UTP6: variants seen among roughly 807,000 people sequenced by gnomAD.
The protein encoded by UTP6 is U3 small nucleolar RNA-associated protein 6 homolog.
A neutral mutation model predicts 96.5 loss-of-function variants in UTP6; 60 were observed. That is an observed-to-expected ratio of 0.62 (90% confidence interval 0.51 to 0.77). The LOEUF (loss-of-function observed/expected upper bound fraction) is 0.77. Among genes scored for constraint, UTP6 ranks in the 30% least tolerant of loss-of-function variants. UTP6 has a pLI of 0.00. For synonymous variants in UTP6, 215 were observed against 240.1 expected (o/e 0.90, Z 0.96); for missense variants, 637 against 706.5 (o/e 0.90, Z 1.12).
chr17:31,892,114 G>A, intron 6 of UTP6, 146 bp downstream of exon 6: 1 of 721,724 alleles, frequency 1.4e-6, no homozygotes, highest in Non-Finnish European at 2.3e-6. Context: ...CTATGAGGCA[G>A]CTATTCAGTA....
intron 4 of UTP6, among the ~76,000 whole-genome samples, chr17:31,893,601 G>C (rs558385339): frequency 1.3e-5 from 2 of 151,656 alleles, no homozygotes; most frequent in South Asian, 4.2e-4. Context: ...GCGGTGGTGC[G>C]TGCCTGAAGT....
At chr17:31,871,487 C>T (rs898731132) in intron 16 of UTP6, among the ~76,000 whole-genome samples, 1 of 152,082 alleles carries the variant, frequency 6.6e-6, no homozygotes, top group Non-Finnish European at 1.5e-5. Context: ...GTGCCTCATA[C>T]CTACAATCCC....
Position 31,863,369 on chromosome 17 carries a change from C to G in UTP6, c.1784G>C (p.Gly595Ala). 1 of 1,612,452 alleles carries G rather than the reference C, an allele frequency of 6.2e-7. No homozygotes were observed. Among genetic ancestry groups the G allele is most frequent in the Non-Finnish European group, 8.5e-7 (1 of 1,179,634 alleles). ...FVAKHAMHQT[G>A]HL ...CTGTATTCTTCATCTTCATAAATGG[C>G]CAGTCTGATGCATAGCATGTTTAGC... The change falls in exon 19 of 19, where the codon GGC becomes GCC. Residue 595 changes from glycine to alanine, a missense_variant. By Grantham distance (60) the Gly-to-Ala change is moderately conservative. Transcript: ENST00000261708.
chr17:31,870,279 C>T (rs1191594306), intron 16 of UTP6, among the ~76,000 whole-genome samples: 5 of 152,154 alleles, frequency 3.3e-5, no homozygotes, highest in Non-Finnish European at 5.9e-5. Flanking sequence ...AACTAATTTA[C>T]ATTCCCACCA....
rs1425850603 is a variant in UTP6, at chr17:31,873,698, T to C, written c.1361A>G (p.Gln454Arg). 6.2e-7 allele frequency: 1 copy of C among 1,613,218 alleles called. No individual in the cohort carries two copies. Among genetic ancestry groups the C allele is most frequent in the Non-Finnish European group, 8.5e-7 (1 of 1,179,900 alleles). Residue 454 changes from glutamine (Q) to arginine (R), a missense_variant, in exon 15 of 19, where the codon CAA becomes CGA. By Grantham distance (43) the Gln-to-Arg change is conservative. Transcript: ENST00000261708. ...WAEWSEGAKS[Q>R]EDTEAVFKKA... ...CTTAAAGACTGCCTCAGTGTCTTCT[T>C]GGCTTTTGGCACCTTCACTCCACTC...
At chr17:31,867,534 A>G (rs1197413421) in intron 17 of UTP6, among the ~76,000 whole-genome samples, 1 of 151,730 alleles carries the variant, frequency 6.6e-6, no homozygotes, top group East Asian at 1.9e-4. Flanking sequence ...GTAACATGTA[A>G]GTTTTCTATT....
chr17:31,899,785 A>G, intron 1 of UTP6, 55 bp from the exon 2 acceptor site: 1 of 1,259,906 alleles, frequency 7.9e-7, no homozygotes. Context: ...TAAACGTTTA[A>G]GTTTATTTTG....
intron 1 of UTP6, 106 bp downstream of exon 1, chr17:31,901,430 G>A: frequency 9.4e-7 from 1 of 1,065,980 alleles, no homozygotes. Flanking sequence ...CACCACGTTA[G>A]GAAAAGTAAA....
chr17:31,898,152 A>G (rs901687584), intron 2 of UTP6, among the ~76,000 whole-genome samples: 1 of 152,182 alleles, frequency 6.6e-6, no homozygotes, highest in Non-Finnish European at 1.5e-5. Flanking sequence ...CCAGGACTAC[A>G]GTCTTAGTGG....
chr17:31,882,821 T>A (rs1457489629), intron 10 of UTP6, among the ~76,000 whole-genome samples: 3 of 152,098 alleles, frequency 2.0e-5, no homozygotes, highest in Non-Finnish European at 4.4e-5. Context: ...GGTCTCACTC[T>A]GTCACCCAGG....
chr17:31,892,889 C>G, intron 4 of UTP6, 95 bp from the exon 5 acceptor site: 1 of 1,469,280 alleles, frequency 6.8e-7, no homozygotes, highest in Non-Finnish European at 9.3e-7. Context: ...AAGCAAATTT[C>G]AGGTTGGATG....
chr17:31,878,185 C>G, intron 13 of UTP6, 65 bp downstream of exon 13: 1 of 1,536,918 alleles, frequency 6.5e-7, no homozygotes. Context: ...AAACATGACT[C>G]TGGCACAAAA....
chr17:31,873,295 T>C (rs1257788849), intron 16 of UTP6, 83 bp downstream of exon 16: 13 of 1,270,732 alleles, frequency 1.0e-5, no homozygotes, highest in Admixed American at 1.9e-5. Flanking sequence ...CCTCAGATGC[T>C]ATCTGTGATT....
At chr17:31,892,916 T>A in intron 4 of UTP6, 122 bp from the exon 5 acceptor site, 1 of 1,103,896 alleles carries the variant, frequency 9.1e-7, no homozygotes, top group Non-Finnish European at 1.3e-6. Context: ...CTCACACCTG[T>A]AATCCCACCA....
In UTP6 at chr17:31,884,056, T is replaced by C. The variant is rs187985667; in HGVS notation, c.785+368A>G. On this transcript the variant is annotated intron_variant, in intron 10 of 18. Transcript: ENST00000261708. ...GCTTGTCACCCAGGCTGGAGTGCAA[T>C]TGTGGGATCTTGGCTCACTGCAACC... is the stretch of plus-strand genomic sequence containing the variant. Among the ~76,000 whole-genome samples the C allele has an allele frequency of 1.8e-4, 27 of 149,322 alleles. No homozygotes were observed. In the East Asian group the frequency reaches 4.5e-3, roughly 25 times the overall value.
chr17:31,884,575 C>A, intron 9 of UTP6, 70 bp from the exon 10 acceptor site: 1 of 1,207,916 alleles, frequency 8.3e-7, no homozygotes, highest in Non-Finnish European at 1.2e-6. Context: ...AAGTAGCATT[C>A]TTTTCATGTA....
chr17:31,882,330 T>G (rs539517438), intron 10 of UTP6, among the ~76,000 whole-genome samples: 1 of 144,440 alleles, frequency 6.9e-6, no homozygotes, highest in Non-Finnish European at 1.5e-5. Flanking sequence ...TGCATCTGTT[T>G]TTTTTTTTTG....
chr17:31,890,644 T>C (rs1313868599), intron 6 of UTP6, among the ~76,000 whole-genome samples: 1 of 148,188 alleles, frequency 6.7e-6, no homozygotes, highest in Non-Finnish European at 1.5e-5. Flanking sequence ...AAAAAACTGC[T>C]TATCTTACCA....
rs776269928 is a variant in UTP6, at chr17:31,884,487, G to A, written c.722C>T (p.Ser241Leu). Residue 241 changes from serine to leucine, a missense_variant, in exon 10 of 19, where the codon TCA (serine) becomes TTA (leucine). Ser to Leu is a moderately radical substitution (Grantham distance 145). Transcript: ENST00000261708. Reference sequence around the variant, plus strand: ...AAATAGCTGTGCAATCGAAAGCAGTGACACGTGAAATTCTGCACCTAAATT... The same window carrying A: ...AAATAGCTGTGCAATCGAAAGCAGTAACACGTGAAATTCTGCACCTAAATT... ...SIIKGAEFHV[S>L]LLSIAQLFDF... The A allele has an allele frequency of 1.9e-6, 3 of 1,611,888 alleles. No homozygotes were observed. The highest frequency in any genetic ancestry group is 8.5e-7 in the Non-Finnish European group (1 of 1,179,136).
Sources: gnomAD v4.1 joint callset for allele counts (sites outside exome capture counted in the v4.1 genomes callset) on GRCh38, gnomAD v4.1.1 for gene constraint, MANE v1.5 for transcripts, NCBI Gene and HGNC (gene_info 2026-07-23, HGNC 2026-07-21) for gene names.